Variants in PADI2 observed in about 807,000 individuals in gnomAD.
PADI2 encodes protein-arginine deiminase type-2.
A neutral mutation model predicts 81.1 loss-of-function variants in PADI2; 70 were observed. The ratio of observed to expected loss-of-function variants is 0.86; its 90% CI spans 0.71 to 1.05. The LOEUF is 1.05. Among genes scored for constraint, PADI2 ranks in the 50% least tolerant of loss-of-function variants. PADI2 has a pLI of 0.00. For missense variants in PADI2, 853 were observed against 889.9 expected (o/e 0.96, Z 0.53); for synonymous variants, 338 against 358.0 (o/e 0.94, Z 0.63).
intron 15 of PADI2, among the ~76,000 whole-genome samples, chr1:17,069,691 A>G (rs1388348413): frequency 6.6e-6 from 1 of 152,126 alleles, no homozygotes; most frequent in East Asian, 1.9e-4. Context: ...ATATGTGTCC[A>G]TGCATGCACA....
At position 17,067,905 on chromosome 1, in the gene PADI2, G is replaced by C. The variant is rs551310702; in HGVS notation, c.*1139C>G. 7.9e-5 allele frequency: 12 copies of C among 152,618 alleles called. No individual in the cohort carries two copies. The highest frequency in any genetic ancestry group is 2.9e-4 in the African/African-American group (12 of 41,558). The allele number at this position is 152,618 out of a possible 1,614,324, so 9.5% of individuals were successfully genotyped here. A position where few individuals can be genotyped will look rare whatever the true frequency, so the allele number is the denominator to read the frequency against. The stretch of plus-strand genomic sequence containing the variant: ...GATTGAAACTGAGTCTTTTCAGTTG[G>C]AGCCAGGGAATGAATCTGGGTATGT... On this transcript the variant is annotated 3_prime_UTR_variant, in exon 16 of 16. Coordinates refer to ENST00000375486, the MANE Select transcript of PADI2 (RefSeq NM_007365.3).
At chr1:17,080,095 TC>T (rs1476810894) in intron 10 of PADI2, among the ~76,000 whole-genome samples, 1 of 152,160 alleles carries the variant, frequency 6.6e-6, no homozygotes, top group Non-Finnish European at 1.5e-5. Flanking sequence ...CCAGCCCGTT[TC>T]CCCATCTATA....
chr1:17,070,415 G>A (rs1570972915), intron 14 of PADI2, among the ~76,000 whole-genome samples, 199 bp from the exon 15 acceptor site: 1 of 152,214 alleles, frequency 6.6e-6, no homozygotes, highest in Non-Finnish European at 1.5e-5. Context: ...ATAGGACAGA[G>A]GAAGGTCACA....
intron 10 of PADI2, among the ~76,000 whole-genome samples, chr1:17,080,101 T>A (rs1269528446): frequency 1.3e-5 from 2 of 152,132 alleles, no homozygotes; most frequent in Admixed American, 6.6e-5. Context: ...CGTTTCCCCA[T>A]CTATAAGAGA....
intron 3 of PADI2, among the ~76,000 whole-genome samples, chr1:17,102,029 C>T (rs1251905148): frequency 6.6e-6 from 1 of 152,130 alleles, no homozygotes; most frequent in Non-Finnish European, 1.5e-5. Flanking sequence ...TCAAAGTGCC[C>T]AGTGCAGCTC....
chr1:17,089,740 A>T (rs1930614566), intron 6 of PADI2, among the ~76,000 whole-genome samples: 1 of 151,636 alleles, frequency 6.6e-6, no homozygotes, highest in African/African-American at 2.4e-5. Context: ...CTCGGTGCAA[A>T]CCCCACACTG....
At position 17,085,608 on chromosome 1, in the gene PADI2, G is replaced by A. The variant is rs72641858; in HGVS notation, c.835-906C>T. ...CTTTTGGACGTTCTGTCTTACAGAT[G>A]GAGAAACTATGGCAAACTACCCTTA... On this transcript the variant is annotated intron_variant, in intron 7 of 15. Coordinates refer to ENST00000375486, the MANE Select transcript of PADI2 (RefSeq NM_007365.3). 2.2e-3 allele frequency among the ~76,000 whole-genome samples: 335 copies of A among 152,310 alleles called. 1 individual carries two copies. The highest frequency in any genetic ancestry group is 3.7e-3 in the Non-Finnish European group (253 of 68,028).
At chr1:17,085,948 A>G (rs1930376483) in intron 7 of PADI2, among the ~76,000 whole-genome samples, 1 of 152,220 alleles carries the variant, frequency 6.6e-6, no homozygotes, top group Non-Finnish European at 1.5e-5. Context: ...GCACGCCCTC[A>G]GTGATGGGGG....
At chr1:17,112,212 C>A (rs1931601493) in intron 1 of PADI2, among the ~76,000 whole-genome samples, 2 of 152,082 alleles carry the variant, frequency 1.3e-5, no homozygotes, top group South Asian at 4.2e-4. Context: ...GAGAAATGGC[C>A]ACTAGGTTGG....
intron 12 of PADI2, 35 bp downstream of exon 12, chr1:17,075,644 A>T (rs1443792750): frequency 2.5e-6 from 4 of 1,590,848 alleles, no homozygotes; most frequent in Admixed American, 3.6e-5. Flanking sequence ...GTTTGCTGCT[A>T]CCCCATTCAC....
chr1:17,111,639 T>A (rs1039864895), intron 1 of PADI2, among the ~76,000 whole-genome samples: 1 of 152,110 alleles, frequency 6.6e-6, no homozygotes, highest in Middle Eastern at 3.2e-3. Flanking sequence ...GCATTACCAC[T>A]ACCTACAGGG....
chr1:17,091,313 C>T (rs895797231), intron 6 of PADI2, among the ~76,000 whole-genome samples: 1 of 149,928 alleles, frequency 6.7e-6, no homozygotes, highest in African/African-American at 2.5e-5. Context: ...GCAGAAGCCT[C>T]CTCCCGCCAC....
chr1:17,069,321 C>T (rs773830651), intron 15 of PADI2, 44 bp from the exon 16 acceptor site: 12 of 1,412,874 alleles, frequency 8.5e-6, no homozygotes, highest in Admixed American at 5.1e-5. Context: ...ATTTAGTGAG[C>T]ACCTAGTACA....
intron 4 of PADI2, among the ~76,000 whole-genome samples, chr1:17,095,291 A>G (rs569257025): frequency 2.0e-5 from 3 of 152,324 alleles, no homozygotes; most frequent in Admixed American, 2.0e-4. Context: ...TTAAAAATAC[A>G]TGCACACCAA....
intron 8 of PADI2, among the ~76,000 whole-genome samples, chr1:17,084,332 T>C (rs1361321661): frequency 2.0e-5 from 3 of 152,234 alleles, no homozygotes; most frequent in African/African-American, 7.2e-5. Context: ...GCTAACTGCC[T>C]GGTAGAGGGT....
chr1:17,070,866 T>C (rs2101569259), intron 14 of PADI2, among the ~76,000 whole-genome samples: 1 of 152,294 alleles, frequency 6.6e-6, no homozygotes, highest in East Asian at 1.9e-4. Context: ...TTCAACATGT[T>C]GGGCATGTTG....
chr1:17,116,063 G>C (rs936137801), intron 1 of PADI2, among the ~76,000 whole-genome samples: 39 of 152,230 alleles, frequency 2.6e-4, no homozygotes, highest in African/African-American at 9.2e-4. Context: ...CTGTGACCCT[G>C]AGTGTACATC....
Position 17,082,373 on chromosome 1 carries a change from C to T in PADI2, c.1158+172G>A, listed in dbSNP as rs139580948. ...TTTGGAAAAACATCAGTTATCAGAGCAGGAAAGGACCTCAGAGGCAGCTAT... is the reference window on the plus strand; with the variant it reads ...TTTGGAAAAACATCAGTTATCAGAGTAGGAAAGGACCTCAGAGGCAGCTAT... On this transcript the variant is annotated intron_variant, in intron 10 of 15. Transcript: ENST00000375486. Among the ~76,000 whole-genome samples the T allele has an allele frequency of 3.9e-3, 588 of 152,234 alleles. 3 individuals carry two copies. The highest frequency in any genetic ancestry group is 0.014 in the African/African-American group (562 of 41,544).
At chr1:17,105,609 G>GT (rs1160451254) in intron 1 of PADI2, among the ~76,000 whole-genome samples, 2 of 152,078 alleles carry the variant, frequency 1.3e-5, no homozygotes, top group Admixed American at 6.6e-5. Context: ...GGTCAGGTTG[G>GT]TTTTGAACTC....
Sources: allele counts gnomAD v4.1 joint callset (sites outside exome capture counted in the v4.1 genomes callset), GRCh38; gene constraint gnomAD v4.1.1; transcripts MANE v1.5; gene names NCBI Gene and HGNC (gene_info 2026-07-23, HGNC 2026-07-21).